Variants in WIPF1 observed in about 807,000 individuals in gnomAD.
WIPF1 encodes WAS/WASL-interacting protein family member 1.
WIPF1 carries 13 observed loss-of-function variants against 35.4 expected under a neutral mutation model. The ratio of observed to expected loss-of-function variants is 0.37; its 90% CI spans 0.24 to 0.58. The LOEUF is 0.58. Ranked by LOEUF, WIPF1 falls within the 20% of genes least tolerant of loss-of-function variation. WIPF1 has a pLI of 0.74. For synonymous variants in WIPF1, 267 were observed against 266.3 expected (o/e 1.00, Z -0.02); for missense variants, 591 against 667.0 (o/e 0.89, Z 1.25).
At chr2:174,610,560 A>G (rs969821456) in intron 1 of WIPF1, among the ~76,000 whole-genome samples, 1 of 152,228 alleles carries the variant, frequency 6.6e-6, no homozygotes, top group Non-Finnish European at 1.5e-5. Flanking sequence ...GAAAAAAAAT[A>G]TAAATGGTCT....
intron 1 of WIPF1, among the ~76,000 whole-genome samples, chr2:174,615,047 CTGTGACA>C (rs2105905435): frequency 6.6e-6 from 1 of 152,318 alleles, no homozygotes; most frequent in East Asian, 1.9e-4. Flanking sequence ...ACTCTGGATT[CTGTGACA>C]TGTATATAAT....
At chr2:174,672,394 G>A (rs952082967) in intron 1 of WIPF1, among the ~76,000 whole-genome samples, 1 of 152,202 alleles carries the variant, frequency 6.6e-6, no homozygotes, top group Non-Finnish European at 1.5e-5. Context: ...CAACCTCGGT[G>A]CAATAGAAAG....
At chr2:174,589,697 T>C (rs1485325402) in intron 1 of WIPF1, among the ~76,000 whole-genome samples, 1 of 152,240 alleles carries the variant, frequency 6.6e-6, no homozygotes, top group African/African-American at 2.4e-5. Context: ...TGATTATGAA[T>C]GCAGGCCACA....
chr2:174,575,918 A>T (rs1029427912), intron 3 of WIPF1, among the ~76,000 whole-genome samples: 3 of 152,090 alleles, frequency 2.0e-5, no homozygotes, highest in African/African-American at 4.8e-5. Flanking sequence ...GGAAAGAGTT[A>T]AAAAGAAAAG....
Position 174,578,163 on chromosome 2 carries a change from C to T in WIPF1, c.182-2783G>A, listed in dbSNP as rs138579968. Among the ~76,000 whole-genome samples, 12 of 152,222 alleles carry T rather than the reference C, an allele frequency of 7.9e-5. No individual in the cohort carries two copies. In the East Asian group the frequency reaches 2.3e-3, roughly 29 times the overall value. On this transcript the variant is annotated intron_variant, in intron 3 of 7. Coordinates refer to ENST00000679041, the MANE Select transcript of WIPF1 (RefSeq NM_001375834.1). ...TCTACCCACTAGATGTCAGTAGCAG[C>T]CCTCCCTGTCCCCCAAAGTAGTGAC...
At chr2:174,598,411 G>C (rs961997534), upstream of WIPF1, among the ~76,000 whole-genome samples, 3 of 151,940 alleles carry the variant, frequency 2.0e-5, no homozygotes, top group African/African-American at 7.3e-5. Flanking sequence ...TCCTGGGTTC[G>C]AGCAATCCTC....
chr2:174,585,524 A>C lies in WIPF1; in HGVS notation c.50T>G (p.Leu17Arg). The change falls in exon 2 of 8, where the codon CTG (leucine) becomes CGG (arginine). Residue 17 changes from leucine (L) to arginine (R), a missense_variant and splice_region_variant. Coordinates refer to ENST00000679041, the MANE Select transcript of WIPF1 (RefSeq NM_001375834.1). ...PAPPPPPTFA[L>R]ANTEKPTLNK... ...AGTGTTTGGGGAGGAGACACTCACC[A>C]GTGCAAACGTCGGGGGCGGCGGGGG... 9.6e-7 allele frequency: 1 copy of C among 1,039,624 alleles called. No homozygotes were observed. The highest frequency in any genetic ancestry group is 1.4e-6 in the Non-Finnish European group (1 of 739,280). The allele number at this position is 1,039,624 out of a possible 1,614,324, so 64.4% of individuals were successfully genotyped here. A position where few individuals can be genotyped will look rare whatever the true frequency, so the allele number is the denominator to read the frequency against.
chr2:174,628,314 C>T (rs186200756), intron 1 of WIPF1, among the ~76,000 whole-genome samples: 5 of 152,294 alleles, frequency 3.3e-5, no homozygotes, highest in Admixed American at 2.0e-4. Flanking sequence ...TAATCCATGC[C>T]GTGGTGAGCC....
intron 1 of WIPF1, among the ~76,000 whole-genome samples, chr2:174,651,050 C>T (rs114504709): frequency 1.0e-3 from 157 of 152,356 alleles, no homozygotes; most frequent in African/African-American, 3.2e-3. Context: ...TTTCTCCACA[C>T]AACTTCTCGG....
In WIPF1 at chr2:174,567,873, A is replaced by C; in HGVS notation, c.1330T>G (p.Ser444Ala). The change falls in exon 6 of 8, where the codon TCT (serine) becomes GCT (alanine). Residue 444 changes from serine (S) to alanine (A), a missense_variant. Physicochemically the swap from Ser to Ala is moderately conservative, Grantham distance 99. Transcript: ENST00000679041. ...STSIRNGFQD[S>A]PCEDEWESRF... ...GACCACACCTCACCTTCACATGGAG[A>C]GTCTTGGAAGCCATTTCTAATAGAT... is the stretch of plus-strand genomic sequence containing the variant. 1 of 1,588,376 alleles carries C rather than the reference A, an allele frequency of 6.3e-7. No homozygotes were observed.
intron 3 of WIPF1, chr2:174,581,037 G>T: frequency 4.2e-6 from 1 of 236,232 alleles, no homozygotes; most frequent in Non-Finnish European, 8.2e-6. Flanking sequence ...AGGAGCAATG[G>T]GTTAATCTCC....
chr2:174,634,221 G>T (rs1369122322), intron 1 of WIPF1, among the ~76,000 whole-genome samples: 1 of 152,154 alleles, frequency 6.6e-6, no homozygotes, highest in Non-Finnish European at 1.5e-5. Context: ...ATGACAAGAG[G>T]CCTAGCTGAA....
intron 1 of WIPF1, among the ~76,000 whole-genome samples, chr2:174,628,224 G>A (rs1686909778): frequency 6.6e-6 from 1 of 152,186 alleles, no homozygotes; most frequent in Non-Finnish European, 1.5e-5. Context: ...TGGTACCCAG[G>A]AAGTTGACTT....
At chr2:174,673,239 T>G (rs919665267) in intron 1 of WIPF1, 1 of 152,220 alleles carries the variant, frequency 6.6e-6, no homozygotes, top group Non-Finnish European at 1.5e-5. Context: ...ACCTGCTAGT[T>G]GAGGCAGGCA....
intron 3 of WIPF1, among the ~76,000 whole-genome samples, chr2:174,579,547 T>C (rs964543872): frequency 6.6e-6 from 1 of 152,208 alleles, no homozygotes; most frequent in Non-Finnish European, 1.5e-5. Context: ...AGGTGTCCAG[T>C]TGAGTGTGTG....
intron 3 of WIPF1, 109 bp downstream of exon 3, chr2:174,581,201 T>G: frequency 1.4e-6 from 2 of 1,471,540 alleles, no homozygotes; most frequent in Non-Finnish European, 1.8e-6. Context: ...GCTTTGCAGC[T>G]GTTGTTAACC....
In WIPF1 at chr2:174,560,028, A is replaced by T. The variant is rs1258308609; in HGVS notation, c.*2519T>A. The stretch of plus-strand genomic sequence containing the variant: ...GAGTTTTAATACTGTAATACATTTC[A>T]ATATAAAATAAGAGGTGAATGTTAA... On this transcript the variant is annotated 3_prime_UTR_variant, in exon 8 of 8. Transcript: ENST00000679041. The T allele has an allele frequency of 6.6e-6, 1 of 152,648 alleles. No homozygotes were observed. Among genetic ancestry groups the T allele is most frequent in the Non-Finnish European group, 1.5e-5 (1 of 68,022 alleles). The allele number at this position is 152,648 out of a possible 1,614,324, so 9.5% of individuals were successfully genotyped here. A position where few individuals can be genotyped will look rare whatever the true frequency, so the allele number is the denominator to read the frequency against.
intron 1 of WIPF1, among the ~76,000 whole-genome samples, chr2:174,651,771 C>T (rs958400873): frequency 6.6e-6 from 1 of 152,254 alleles, no homozygotes; most frequent in African/African-American, 2.4e-5. Context: ...GATAAAACCA[C>T]TACCATTTCA....
Position 174,562,336 on chromosome 2 carries a change from G to T in WIPF1, c.*211C>A, listed in dbSNP as rs1684506707. On this transcript the variant is annotated 3_prime_UTR_variant, in exon 8 of 8. Transcript: ENST00000679041. ...CCAGCACAGGCAGGCTGCAGCTGAA[G>T]CAAGCAATAGCCTGGAGAATAAACA... is the stretch of plus-strand genomic sequence containing the variant. 6.7e-7 allele frequency: 1 copy of T among 1,483,398 alleles called. No individual in the cohort carries two copies. Among genetic ancestry groups the T allele is most frequent in the Admixed American group, 2.4e-5 (1 of 42,120 alleles). 91.9% of individuals were successfully genotyped at this position (1,483,398 alleles called of 1,614,324 possible).
Sources: allele counts gnomAD v4.1 joint callset (sites outside exome capture counted in the v4.1 genomes callset), GRCh38; gene constraint gnomAD v4.1.1; transcripts MANE v1.5; gene names NCBI Gene and HGNC (gene_info 2026-07-23, HGNC 2026-07-21).